Variants in SMURF2 observed in about 807,000 individuals in gnomAD.
SMURF2 encodes E3 ubiquitin-protein ligase SMURF2.
Under a neutral mutation model 109.6 loss-of-function variants are expected in SMURF2, and 48 were observed. The observed-to-expected ratio is 0.44, with a 90% CI of 0.35 to 0.56. The LOEUF is 0.56. Ranked by LOEUF, SMURF2 falls within the 20% of genes least tolerant of loss-of-function variation. SMURF2 has a pLI of 0.01. For synonymous variants in SMURF2, 288 were observed against 317.1 expected (o/e 0.91, Z 0.97); for missense variants, 575 against 909.0 (o/e 0.63, Z 4.72).
At chr17:64,584,005 A>T (rs1195347551) in intron 6 of SMURF2, among the ~76,000 whole-genome samples, 5 of 152,080 alleles carry the variant, frequency 3.3e-5, no homozygotes, top group Admixed American at 1.3e-4. Flanking sequence ...CTAATTTTTT[A>T]AAAATGAAGA....
intron 6 of SMURF2, among the ~76,000 whole-genome samples, chr17:64,584,343 G>A (rs1429446127): frequency 7.2e-6 from 1 of 139,494 alleles, no homozygotes; most frequent in African/African-American, 2.9e-5. Context: ...AATCGAAACA[G>A]CTACTTTCTT....
intron 1 of SMURF2, among the ~76,000 whole-genome samples, chr17:64,624,007 T>TG: frequency 6.6e-6 from 1 of 152,316 alleles, no homozygotes; most frequent in Non-Finnish European, 1.5e-5. Flanking sequence ...AAAATTATAA[T>TG]GGGGTGGTTC....
intron 2 of SMURF2, among the ~76,000 whole-genome samples, chr17:64,603,111 G>C (rs1230117416): frequency 6.7e-6 from 1 of 150,038 alleles, no homozygotes; most frequent in Non-Finnish European, 1.5e-5. Context: ...TTTTCAATTG[G>C]GCCAAGAAAA....
chr17:64,662,029 T>C lies in SMURF2; in HGVS notation c.-149A>G. 2 of 1,113,408 alleles carry C rather than the reference T, an allele frequency of 1.8e-6. No individual in the cohort carries two copies. The highest frequency in any genetic ancestry group is 3.3e-5 in the African/African-American group (2 of 59,810). 69.0% of individuals were successfully genotyped at this position (1,113,408 alleles called of 1,614,324 possible). ...AGGGTCCCGGATGTGCCGAGAGTCG[T>C]CGCCATGAGCCGCGGAGGGAGCGGG... On this transcript the variant is annotated 5_prime_UTR_variant, in exon 1 of 19. Coordinates refer to ENST00000262435, the MANE Select transcript of SMURF2 (RefSeq NM_022739.4).
intron 1 of SMURF2, among the ~76,000 whole-genome samples, chr17:64,629,493 G>A (rs1032823082): frequency 6.6e-6 from 1 of 152,170 alleles, no homozygotes; most frequent in South Asian, 2.1e-4. Context: ...AACAGAGAGA[G>A]ACCCTGTCTC....
chr17:64,577,470 G>A (rs538405680), intron 9 of SMURF2, among the ~76,000 whole-genome samples: 35 of 151,762 alleles, frequency 2.3e-4, no homozygotes, highest in African/African-American at 7.5e-4. Context: ...AAGTTAATGG[G>A]TGCAGCACAC....
At chr17:64,561,870 T>C (rs1555684544) in intron 11 of SMURF2, among the ~76,000 whole-genome samples, 1 of 152,068 alleles carries the variant, frequency 6.6e-6, no homozygotes, top group African/African-American at 2.4e-5. Flanking sequence ...CATGGTGGCA[T>C]GCACCTGTAG....
In SMURF2 at chr17:64,606,618, CACCAGGTTTTTT is replaced by C. The variant is rs782730716; in HGVS notation, c.63_74del (p.Asn23_Lys26del). The C allele has an allele frequency of 6.5e-7, 1 of 1,538,356 alleles. No homozygotes were observed. The highest frequency in any genetic ancestry group is 8.8e-7 in the Non-Finnish European group (1 of 1,133,948). ...TTTACTTACGGAAAAAATCCTTTTT[CACCAGGTTTTTT>C]GCACAGAGTACTGTAAAAAAAAAAA... On this transcript the variant is annotated inframe_deletion, in exon 2 of 19. Coordinates refer to ENST00000262435, the MANE Select transcript of SMURF2 (RefSeq NM_022739.4).
At chr17:64,596,038 A>ATT (rs199911606) in intron 3 of SMURF2, among the ~76,000 whole-genome samples, 2 of 148,674 alleles carry the variant, frequency 1.3e-5, no homozygotes, top group African/African-American at 4.9e-5. Context: ...TAAACCACTG[A>ATT]TTTTTTTTTT....
Position 64,547,708 on chromosome 17 carries a change from A to G in SMURF2, c.1963T>C (p.Trp655Arg). The G allele has an allele frequency of 6.2e-7, 1 of 1,614,178 alleles. No individual in the cohort carries two copies. Among genetic ancestry groups the G allele is most frequent in the Non-Finnish European group, 8.5e-7 (1 of 1,180,020 alleles). The change falls in exon 17 of 19, where the codon TGG (tryptophan) becomes CGG (arginine). Residue 655 changes from tryptophan to arginine, a missense_variant. By Grantham distance (101) the Trp-to-Arg change is moderately radical. Coordinates refer to ENST00000262435, the MANE Select transcript of SMURF2 (RefSeq NM_022739.4). This position sits in a 1 kb window ranked among gnomAD's most constrained non-coding sequence, Gnocchi z 4.2. ...HCTPDSNIVK[W>R]FWKAVEFFDE... ...AAAAACTCCACAGCTTTCCAGAACC[A>G]TTTGACAATGTTGCTGTCTGGTGTA... is the stretch of plus-strand genomic sequence containing the variant.
intron 1 of SMURF2, among the ~76,000 whole-genome samples, chr17:64,624,503 C>CAAAAA: frequency 1.9e-5 from 1 of 52,460 alleles, no homozygotes. Flanking sequence ...CAGGCCTCTA[C>CAAAAA]AAAAAAAAAA....
chr17:64,634,789 G>T lies in SMURF2; in HGVS notation c.52+27040C>A, dbSNP rs116460237. On this transcript the variant is annotated intron_variant, in intron 1 of 18. Transcript: ENST00000262435. ...TAAAAAGAAGACACAGTCCTTGAAT[G>T]ATTTTTATCTGATGCTAATACATAT... is the stretch of plus-strand genomic sequence containing the variant. 3.4e-3 allele frequency among the ~76,000 whole-genome samples: 519 copies of T among 152,292 alleles called. 9 individuals carry two copies. Among genetic ancestry groups the T allele is most frequent in the African/African-American group, 0.012 (491 of 41,572 alleles).
chr17:64,573,549 T>C (rs1344464086), intron 9 of SMURF2, among the ~76,000 whole-genome samples: 2 of 151,964 alleles, frequency 1.3e-5, no homozygotes, highest in Non-Finnish European at 2.9e-5. Context: ...AAAACACCAT[T>C]TGAAACACTG....
At chr17:64,585,519 A>C (rs1555686999) in intron 6 of SMURF2, among the ~76,000 whole-genome samples, 2 of 152,212 alleles carry the variant, frequency 1.3e-5, no homozygotes, top group Non-Finnish European at 2.9e-5. Flanking sequence ...TGGAAGTTAA[A>C]TAAATTAAGG....
At chr17:64,640,112 G>C (rs1970475219) in intron 1 of SMURF2, among the ~76,000 whole-genome samples, 1 of 152,144 alleles carries the variant, frequency 6.6e-6, no homozygotes, top group East Asian at 1.9e-4. Flanking sequence ...TAGACTTACA[G>C]GTTTTTCTAT....
intron 1 of SMURF2, among the ~76,000 whole-genome samples, chr17:64,619,941 A>T: frequency 6.6e-6 from 1 of 152,016 alleles, no homozygotes; most frequent in Non-Finnish European, 1.5e-5. Context: ...CTCTAGCCTC[A>T]CTCTCTTCCC....
Position 64,662,069 on chromosome 17 carries a change from C to A in SMURF2, c.-189G>T, listed in dbSNP as rs919183897. ...GAGGGAGCGGGACGCCGAGCTCCCCCCTCCTCCCACTTCTCCTTCCTCGGC... is the reference window on the plus strand; with the variant it reads ...GAGGGAGCGGGACGCCGAGCTCCCCACTCCTCCCACTTCTCCTTCCTCGGC... On this transcript the variant is annotated 5_prime_UTR_variant, in exon 1 of 19. Coordinates refer to ENST00000262435, the MANE Select transcript of SMURF2 (RefSeq NM_022739.4). The A allele has an allele frequency of 1.6e-5, 18 of 1,096,890 alleles. No individual in the cohort carries two copies. The highest frequency in any genetic ancestry group is 1.0e-4 in the Admixed American group (2 of 19,364). The allele number at this position is 1,096,890 out of a possible 1,614,324, so 67.9% of individuals were successfully genotyped here. A position where few individuals can be genotyped will look rare whatever the true frequency, so the allele number is the denominator to read the frequency against.
At chr17:64,563,015 A>G in intron 10 of SMURF2, 49 bp from the exon 11 acceptor site, 2 of 1,466,944 alleles carry the variant, frequency 1.4e-6, no homozygotes, top group Non-Finnish European at 9.2e-7. Context: ...AATTTTAAAA[A>G]TTGCAATTAT....
intron 1 of SMURF2, among the ~76,000 whole-genome samples, chr17:64,620,009 T>C (rs1400985623): frequency 1.3e-5 from 2 of 152,172 alleles, no homozygotes; most frequent in African/African-American, 4.8e-5. Flanking sequence ...ATTATATTTT[T>C]TCAAAATGGA....
Sources: gnomAD v4.1 joint callset for allele counts (sites outside exome capture counted in the v4.1 genomes callset) on GRCh38, gnomAD v4.1.1 for gene constraint, Gnocchi (gnomAD v3.1) non-coding constraint, MANE v1.5 for transcripts, NCBI Gene and HGNC (gene_info 2026-07-23, HGNC 2026-07-21) for gene names.